PMP22: variants seen among roughly 807,000 people sequenced by gnomAD.
PMP22 encodes the protein peripheral myelin protein 22.
In PMP22, 2 loss-of-function variants were observed where a neutral mutation model predicts 18.9. The ratio of observed to expected loss-of-function variants is 0.11; its 90% CI spans 0.04 to 0.33. The LOEUF (loss-of-function observed/expected upper bound fraction) is 0.33. Among genes scored for constraint, PMP22 ranks in the 10% least tolerant of loss-of-function variants. PMP22 has a pLI of 1.00. For synonymous variants in PMP22, 95 were observed against 89.2 expected (o/e 1.07, Z -0.37); for missense variants, 169 against 202.2 (o/e 0.84, Z 1.00).
intron 4 of PMP22, among the ~76,000 whole-genome samples, chr17:15,231,743 A>G (rs1906374676): frequency 6.6e-6 from 1 of 152,200 alleles, no homozygotes; most frequent in African/African-American, 2.4e-5. Flanking sequence ...GGGGAAGATG[A>G]TCAAAGGCAA....
intron 3 of PMP22, among the ~76,000 whole-genome samples, chr17:15,257,966 T>G (rs936094151): frequency 2.0e-5 from 3 of 152,194 alleles, no homozygotes; most frequent in Non-Finnish European, 4.4e-5. Context: ...TGGGTATTAC[T>G]GGGTACTGAG....
rs1245564887 is a variant in PMP22, at chr17:15,261,561, G to A, written c.-34-800C>T. The A allele has an allele frequency of 6.6e-6, 1 of 152,270 alleles. No homozygotes were observed. The highest frequency in any genetic ancestry group is 1.9e-4 in the East Asian group (1 of 5,182). 9.4% of individuals were successfully genotyped at this position (152,270 alleles called of 1,614,324 possible). On this transcript the variant is annotated intron_variant, in intron 1 of 4. Transcript: ENST00000312280. This position sits in a 1 kb window ranked among gnomAD's most constrained non-coding sequence, Gnocchi z 5.2. ...GCGCTAGACCCACGTGCTCGCCTAG[G>A]GGTCCAGTCTGCACCCCAGGCACTC... is the stretch of plus-strand genomic sequence containing the variant.
intron 3 of PMP22, among the ~76,000 whole-genome samples, chr17:15,248,840 T>C (rs996175264): frequency 6.6e-6 from 1 of 152,316 alleles, no homozygotes; most frequent in East Asian, 1.9e-4. Flanking sequence ...TCAGGAGACT[T>C]GTTTTTGTTT....
At chr17:15,239,892 C>T (rs1036000684) in intron 3 of PMP22, among the ~76,000 whole-genome samples, 1 of 152,098 alleles carries the variant, frequency 6.6e-6, no homozygotes, top group African/African-American at 2.4e-5. Context: ...CCAATATGTA[C>T]ACATTACATA....
intron 3 of PMP22, 67 bp downstream of exon 3, chr17:15,259,027 G>C: frequency 1.7e-6 from 2 of 1,185,914 alleles, no homozygotes; most frequent in Non-Finnish European, 2.5e-6. Flanking sequence ...AGCGTTTCCA[G>C]CTCTGGGCTG....
rs1906238846 is a variant in PMP22, at chr17:15,230,816, T to A, written c.*101A>T. 1 of 1,308,354 alleles carries A rather than the reference T, an allele frequency of 7.6e-7. No individual in the cohort carries two copies. Among genetic ancestry groups the A allele is most frequent in the African/African-American group, 1.4e-5 (1 of 69,056 alleles). 81.0% of individuals were successfully genotyped at this position (1,308,354 alleles called of 1,614,324 possible). On this transcript the variant is annotated 3_prime_UTR_variant, in exon 5 of 5. Coordinates refer to ENST00000312280, the MANE Select transcript of PMP22 (RefSeq NM_000304.4). ...GCTTTCTGTTTGGTTTGGTTTGAGT[T>A]TGGGATTTTGGGCTAGCTCTTTTTT...
chr17:15,236,106 A>G lies in PMP22; in HGVS notation c.319+3365T>C, dbSNP rs1038743280. ...AAAGGACCTCAGGTGATTCTGATGC[A>G]CAGCTCAGGTTGAAAGCACTGAACT... On this transcript the variant is annotated intron_variant, in intron 4 of 4. Coordinates refer to ENST00000312280, the MANE Select transcript of PMP22 (RefSeq NM_000304.4). Among the ~76,000 whole-genome samples, 53 of 151,352 alleles carry G rather than the reference A, an allele frequency of 3.5e-4. 1 individual carries two copies. The highest frequency in any genetic ancestry group is 1.3e-3 in the African/African-American group (53 of 41,210).
At chr17:15,255,636 A>G (rs1235785769) in intron 3 of PMP22, among the ~76,000 whole-genome samples, 1 of 152,204 alleles carries the variant, frequency 6.6e-6, no homozygotes, top group East Asian at 1.9e-4. Context: ...GTTCTCTTAT[A>G]CACAATCAAT....
intron 3 of PMP22, among the ~76,000 whole-genome samples, chr17:15,245,356 G>A (rs952323575): frequency 6.6e-6 from 1 of 152,084 alleles, no homozygotes; most frequent in African/African-American, 2.4e-5. Context: ...CCAAGGTAAG[G>A]GTCCCGTGTG....
intron 3 of PMP22, among the ~76,000 whole-genome samples, chr17:15,246,110 T>C (rs1397643216): frequency 6.6e-6 from 1 of 152,228 alleles, no homozygotes; most frequent in Non-Finnish European, 1.5e-5. Context: ...AAAAGTGTTT[T>C]GATACAACTT....
At chr17:15,259,228 A>T in intron 2 of PMP22, 35 bp from the exon 3 acceptor site, 1 of 1,523,430 alleles carries the variant, frequency 6.6e-7, no homozygotes, top group East Asian at 2.3e-5. Context: ...TGAGTCAGGG[A>T]GGGAGGGAGG....
intron 4 of PMP22, among the ~76,000 whole-genome samples, chr17:15,237,971 T>C (rs868440983): frequency 1.3e-5 from 2 of 152,018 alleles, no homozygotes; most frequent in African/African-American, 4.8e-5. Flanking sequence ...GATCATTATT[T>C]GATTTGATAT....
chr17:15,247,086 AAG>A (rs1316132609), intron 3 of PMP22, among the ~76,000 whole-genome samples: 11 of 93,450 alleles, frequency 1.2e-4, no homozygotes, highest in African/African-American at 5.0e-4. Context: ...AAAAAAAAAA[AAG>A]GCCGGGCGCC....
intron 2 of PMP22, 151 bp downstream of exon 2, chr17:15,260,499 G>C: frequency 4.1e-6 from 3 of 723,464 alleles, no homozygotes; most frequent in Admixed American, 4.0e-5. Context: ...CAAAGCAACT[G>C]GAAGGGGGCA....
intron 1 of PMP22, among the ~76,000 whole-genome samples, chr17:15,263,219 C>T (rs1909480296): frequency 6.6e-6 from 1 of 152,194 alleles, no homozygotes; most frequent in Non-Finnish European, 1.5e-5. Flanking sequence ...TGGGATTGGG[C>T]TCCTCCTAGC....
Position 15,230,267 on chromosome 17 carries a change from C to T in PMP22, c.*650G>A, listed in dbSNP as rs886180009. 1 of 153,706 alleles carries T rather than the reference C, an allele frequency of 6.5e-6. No individual in the cohort carries two copies. Among genetic ancestry groups the T allele is most frequent in the Admixed American group, 6.5e-5 (1 of 15,490 alleles). The allele number at this position is 153,706 out of a possible 1,614,324, so 9.5% of individuals were successfully genotyped here. A position where few individuals can be genotyped will look rare whatever the true frequency, so the allele number is the denominator to read the frequency against. The stretch of plus-strand genomic sequence containing the variant: ...TTCAAAGACTTGTTGTCACTGATTT[C>T]TCATTTAGATGTGTGACGAAGATAC... On this transcript the variant is annotated 3_prime_UTR_variant, in exon 5 of 5. Coordinates refer to ENST00000312280, the MANE Select transcript of PMP22 (RefSeq NM_000304.4).
At chr17:15,252,710 C>G (rs527897727) in intron 3 of PMP22, among the ~76,000 whole-genome samples, 1 of 152,338 alleles carries the variant, frequency 6.6e-6, no homozygotes, top group Admixed American at 6.5e-5. Context: ...AACACCTCAG[C>G]ATGAAAAAGT....
chr17:15,250,283 G>A (rs1384639504), intron 3 of PMP22, among the ~76,000 whole-genome samples: 1 of 152,058 alleles, frequency 6.6e-6, no homozygotes, highest in Non-Finnish European at 1.5e-5. Context: ...TTCATCCCCA[G>A]TCTCCTCTCC....
intron 3 of PMP22, among the ~76,000 whole-genome samples, chr17:15,247,855 G>A (rs747693611): frequency 6.6e-5 from 10 of 152,216 alleles, no homozygotes; most frequent in Non-Finnish European, 1.3e-4. Context: ...AAAAAGCCAT[G>A]AGAGGGTAAA....
Sources: gnomAD v4.1 joint callset for allele counts (sites outside exome capture counted in the v4.1 genomes callset) on GRCh38, gnomAD v4.1.1 for gene constraint, Gnocchi (gnomAD v3.1) non-coding constraint, MANE v1.5 for transcripts, NCBI Gene and HGNC (gene_info 2026-07-23, HGNC 2026-07-21) for gene names.